The following ASIC2 variants were observed in gnomAD, a reference collection of about 807,000 sequenced individuals.
The protein encoded by ASIC2 is acid sensing ion channel subunit 2.
ASIC2 carries 25 observed loss-of-function variants against 57.3 expected under a neutral mutation model. The observed-to-expected ratio is 0.44, with a 90% CI of 0.32 to 0.61. ASIC2 has a LOEUF of 0.61. Among genes scored for constraint, ASIC2 ranks in the 20% least tolerant of loss-of-function variants. The pLI, the probability that ASIC2 is intolerant of heterozygous loss-of-function variation, is 0.06. For missense variants in ASIC2, 641 were observed against 738.1 expected (o/e 0.87, Z 1.52); for synonymous variants, 319 against 307.5 (o/e 1.04, Z -0.39).
intron 1 of ASIC2, among the ~76,000 whole-genome samples, chr17:33,829,599 T>C (rs2141899500): frequency 6.6e-6 from 1 of 150,674 alleles, no homozygotes; most frequent in African/African-American, 2.4e-5. Flanking sequence ...TTTTTTGAGA[T>C]GGAGTCTCAC....
chr17:33,610,861 C>G (rs988056881), intron 1 of ASIC2, among the ~76,000 whole-genome samples: 14 of 152,132 alleles, frequency 9.2e-5, no homozygotes, highest in African/African-American at 3.1e-4. Flanking sequence ...CACCACTGCC[C>G]TCCAGCCTGA....
chr17:33,646,400 A>G (rs1432983847), intron 1 of ASIC2, among the ~76,000 whole-genome samples: 1 of 152,212 alleles, frequency 6.6e-6, no homozygotes, highest in African/African-American at 2.4e-5. Flanking sequence ...AGATGCTAGC[A>G]TGGGAGTGAA....
intron 1 of ASIC2, among the ~76,000 whole-genome samples, chr17:34,116,693 C>A (rs754089325): frequency 2.6e-5 from 4 of 152,072 alleles, no homozygotes; most frequent in African/African-American, 9.7e-5. Flanking sequence ...TTAAAAGATG[C>A]CACCCACAAG....
chr17:34,120,390 T>C (rs1292600193), intron 1 of ASIC2, among the ~76,000 whole-genome samples: 6 of 152,146 alleles, frequency 3.9e-5, no homozygotes, highest in African/African-American at 1.2e-4. Flanking sequence ...TGATACAGTA[T>C]AGAGTGTGTC....
chr17:33,627,648 T>C (rs1016274239), intron 1 of ASIC2, among the ~76,000 whole-genome samples: 5 of 152,224 alleles, frequency 3.3e-5, no homozygotes, highest in Non-Finnish European at 5.9e-5. Context: ...CCTGTTAAGT[T>C]CAATGTTTTC....
At chr17:33,021,104 G>T in intron 7 of ASIC2, 115 bp downstream of exon 7, 4 of 707,526 alleles carry the variant, frequency 5.7e-6, no homozygotes, top group Non-Finnish European at 9.3e-6. Flanking sequence ...AAATCAAAAG[G>T]TTAGACTCCT....
intron 1 of ASIC2, among the ~76,000 whole-genome samples, chr17:33,480,684 TGG>T (rs1913374655): frequency 6.6e-6 from 1 of 152,134 alleles, no homozygotes; most frequent in African/African-American, 2.4e-5. Flanking sequence ...CCAGGTGGTA[TGG>T]AGAGTTTAGG....
At position 33,351,623 on chromosome 17, in the gene ASIC2, C is replaced by G. The variant is rs1251561023; in HGVS notation, c.556-239556G>C. The stretch of plus-strand genomic sequence containing the variant: ...ATACTGTATTTAGGTCTCATGTTTT[C>G]CTACCTCCAAGCTGTACTCGTGATT... On this transcript the variant is annotated intron_variant, in intron 1 of 9. Transcript: ENST00000359872. 2.0e-5 allele frequency among the ~76,000 whole-genome samples: 3 copies of G among 152,266 alleles called. No homozygotes were observed. The South Asian group carries it at 6.2e-4, about 32-fold the overall frequency.
At chr17:34,098,464 T>C (rs1910626621) in intron 1 of ASIC2, among the ~76,000 whole-genome samples, 1 of 151,806 alleles carries the variant, frequency 6.6e-6, no homozygotes, top group African/African-American at 2.4e-5. Flanking sequence ...GGATGGAAGG[T>C]TTTCTAAAGA....
rs191818922 is a variant in ASIC2 at position 33,547,095 on chromosome 17, G to A, written c.556-435028C>T. ...CTACCTCCAATATTTCTGATCTGGT[G>A]TCCCAGAGAGGGGCCTGAGCATGTG... On this transcript the variant is annotated intron_variant, in intron 1 of 9. Coordinates refer to the ASIC2 transcript ENST00000359872. Among the ~76,000 whole-genome samples, 8 of 152,218 alleles carry A rather than the reference G, an allele frequency of 5.3e-5. No individual in the cohort carries two copies. In the East Asian group the frequency reaches 9.7e-4, roughly 18 times the overall value.
chr17:34,050,916 A>C (rs1229928781), intron 1 of ASIC2, among the ~76,000 whole-genome samples: 2 of 152,216 alleles, frequency 1.3e-5, no homozygotes, highest in South Asian at 2.1e-4. Flanking sequence ...GACAGCCTGC[A>C]GATGCCTGAA....
intron 1 of ASIC2, among the ~76,000 whole-genome samples, chr17:34,101,853 T>C (rs1197187294): frequency 6.6e-6 from 1 of 152,142 alleles, no homozygotes; most frequent in East Asian, 1.9e-4. Flanking sequence ...AATCAACTCC[T>C]ATGTATCACC....
At chr17:33,345,716 C>T (rs1454920286) in intron 1 of ASIC2, among the ~76,000 whole-genome samples, 1 of 152,114 alleles carries the variant, frequency 6.6e-6, no homozygotes, top group Non-Finnish European at 1.5e-5. Context: ...ATTATCATTC[C>T]TGGGGAACAG....
intron 3 of ASIC2, among the ~76,000 whole-genome samples, chr17:33,067,536 G>A (rs1376464245): frequency 6.6e-6 from 1 of 152,166 alleles, no homozygotes; most frequent in Non-Finnish European, 1.5e-5. Context: ...ATCACAACAA[G>A]TATGAAACTG....
At chr17:34,127,830 T>C (rs955314251) in intron 1 of ASIC2, among the ~76,000 whole-genome samples, 3 of 152,026 alleles carry the variant, frequency 2.0e-5, no homozygotes, top group African/African-American at 4.8e-5. Flanking sequence ...AAAGAGCAAA[T>C]TCAGGGATCC....
intron 1 of ASIC2, among the ~76,000 whole-genome samples, chr17:33,437,295 C>G (rs1911659271): frequency 6.6e-6 from 1 of 152,168 alleles, no homozygotes; most frequent in Non-Finnish European, 1.5e-5. Flanking sequence ...CACAACATAC[C>G]AACATTTTTA....
At chr17:33,262,935 A>G (rs1909337478) in intron 1 of ASIC2, among the ~76,000 whole-genome samples, 1 of 152,228 alleles carries the variant, frequency 6.6e-6, no homozygotes, top group African/African-American at 2.4e-5. Context: ...TAGACATGCC[A>G]CGTCTCAGCC....
intron 1 of ASIC2, among the ~76,000 whole-genome samples, chr17:33,235,845 A>AT (rs1220542313): frequency 2.6e-5 from 4 of 151,606 alleles, no homozygotes; most frequent in Non-Finnish European, 4.4e-5. Context: ...TATTATTATT[A>AT]TTTTTTTTGA....
At chr17:33,168,739 A>T (rs1036963477) in intron 1 of ASIC2, among the ~76,000 whole-genome samples, 1 of 152,222 alleles carries the variant, frequency 6.6e-6, no homozygotes, top group Non-Finnish European at 1.5e-5. Context: ...CACAAATAGT[A>T]AGACAAAATA....
Sources: allele counts gnomAD v4.1 joint callset (sites outside exome capture counted in the v4.1 genomes callset), GRCh38; gene constraint gnomAD v4.1.1; transcripts MANE v1.5; gene names NCBI Gene and HGNC (gene_info 2026-07-23, HGNC 2026-07-21).